The following GRID2 variants were observed in gnomAD, a reference collection of about 807,000 sequenced individuals.
The protein encoded by GRID2 is glutamate ionotropic receptor delta type subunit 2.
A neutral mutation model predicts 114.8 loss-of-function variants in GRID2; 33 were observed. The ratio of observed to expected loss-of-function variants is 0.29; its 90% CI spans 0.22 to 0.38. GRID2 has a LOEUF of 0.38. GRID2 is among the 10% of genes least tolerant of loss of function. The pLI, the probability that GRID2 is intolerant of heterozygous loss-of-function variation, is 1.00. For synonymous variants in GRID2, 505 were observed against 449.9 expected (o/e 1.12, Z -1.55); for missense variants, 1,184 against 1,257.7 (o/e 0.94, Z 0.89).
At chr4:92,427,863 G>A (rs528254623) in intron 1 of GRID2, among the ~76,000 whole-genome samples, 8 of 152,180 alleles carry the variant, frequency 5.3e-5, no homozygotes, top group East Asian at 1.9e-4. Flanking sequence ...GAAAATATTC[G>A]AAAGACTTAC....
intron 5 of GRID2, among the ~76,000 whole-genome samples, chr4:93,213,198 C>G (rs1743771430): frequency 6.6e-6 from 1 of 152,100 alleles, no homozygotes; most frequent in African/African-American, 2.4e-5. Flanking sequence ...TAGAAAGTTG[C>G]CATCCTGCTT....
intron 2 of GRID2, among the ~76,000 whole-genome samples, chr4:93,056,237 G>A (rs1014536914): frequency 5.3e-5 from 8 of 151,904 alleles, no homozygotes; most frequent in Non-Finnish European, 1.0e-4. Flanking sequence ...TTGTTTAATG[G>A]AGGTCAGATC....
At chr4:93,142,966 A>T (rs923831072) in intron 4 of GRID2, among the ~76,000 whole-genome samples, 1 of 152,178 alleles carries the variant, frequency 6.6e-6, no homozygotes, top group African/African-American at 2.4e-5. Context: ...CAGGTCACAC[A>T]AGAGACAGGG....
At chr4:93,339,580 A>G (rs955391153) in intron 8 of GRID2, among the ~76,000 whole-genome samples, 2 of 152,120 alleles carry the variant, frequency 1.3e-5, no homozygotes, top group African/African-American at 4.8e-5. Context: ...GTGACAATAA[A>G]TTTCTGTTTT....
chr4:92,825,675 C>T (rs1170563596), intron 2 of GRID2, among the ~76,000 whole-genome samples: 1 of 152,014 alleles, frequency 6.6e-6, no homozygotes, highest in Non-Finnish European at 1.5e-5. Context: ...CATATTATTC[C>T]CATATAAATG....
chr4:93,429,114 G>A (rs1424760900), intron 10 of GRID2, among the ~76,000 whole-genome samples: 1 of 152,172 alleles, frequency 6.6e-6, no homozygotes, highest in Non-Finnish European at 1.5e-5. Flanking sequence ...CACTGCTGCT[G>A]CAGCCACTGA....
chr4:93,796,909 T>C (rs1414814156), intron 1 of GRID2, among the ~76,000 whole-genome samples: 2 of 152,166 alleles, frequency 1.3e-5, no homozygotes, highest in South Asian at 2.1e-4. Context: ...TCATGCATCA[T>C]TTAACAATGG....
chr4:92,691,488 G>C (rs866006059), intron 2 of GRID2, among the ~76,000 whole-genome samples: 2 of 152,104 alleles, frequency 1.3e-5, no homozygotes, highest in Non-Finnish European at 2.9e-5. Flanking sequence ...TGAAGGGAGC[G>C]ATGGCATTGG....
At chr4:92,385,435 T>A (rs1042918812) in intron 1 of GRID2, among the ~76,000 whole-genome samples, 3 of 151,742 alleles carry the variant, frequency 2.0e-5, no homozygotes, top group Non-Finnish European at 2.9e-5. Context: ...ATTAAAAAAA[T>A]TATTAAAAAT....
intron 8 of GRID2, among the ~76,000 whole-genome samples, chr4:93,304,216 AT>A (rs11324322): frequency 1 from 148,092 of 148,206 alleles, 73,989 homozygotes; most frequent in Middle Eastern, 1. Flanking sequence ...ATCGAGAACT[AT>A]TTTTTTAAAT....
chr4:93,383,407 C>G (rs1764044552), intron 8 of GRID2, among the ~76,000 whole-genome samples: 1 of 152,132 alleles, frequency 6.6e-6, no homozygotes, highest in African/African-American at 2.4e-5. Context: ...GGATAGGTAG[C>G]TGCTACTGTT....
At chr4:93,673,556 T>TC (rs1162489122) in intron 14 of GRID2, among the ~76,000 whole-genome samples, 2 of 152,198 alleles carry the variant, frequency 1.3e-5, no homozygotes, top group African/African-American at 4.8e-5. Context: ...TCACTTTTTT[T>TC]CACAAGACAT....
intron 9 of GRID2, among the ~76,000 whole-genome samples, chr4:93,420,273 T>G (rs773838619): frequency 9.9e-5 from 15 of 152,188 alleles, no homozygotes; most frequent in Non-Finnish European, 2.1e-4. Flanking sequence ...TTATAGAACT[T>G]TATGATCTTA....
chr4:93,390,032 A>G (rs530008622), intron 8 of GRID2, among the ~76,000 whole-genome samples: 2 of 151,980 alleles, frequency 1.3e-5, no homozygotes, highest in African/African-American at 4.8e-5. Context: ...TAGGTGATCT[A>G]CCCGCCTTGG....
chr4:92,981,730 C>G (rs867493335), intron 2 of GRID2, among the ~76,000 whole-genome samples: 1 of 151,800 alleles, frequency 6.6e-6, no homozygotes. Context: ...GAGACATGGT[C>G]TTAATAATTC....
At chr4:92,340,689 T>C (rs1387557341) in intron 1 of GRID2, among the ~76,000 whole-genome samples, 2 of 152,234 alleles carry the variant, frequency 1.3e-5, no homozygotes, top group African/African-American at 4.8e-5. Flanking sequence ...GACGCTTGCA[T>C]AGCACTCTGC....
intron 2 of GRID2, among the ~76,000 whole-genome samples, chr4:92,638,162 G>C (rs925050450): frequency 1.3e-5 from 2 of 151,618 alleles, no homozygotes; most frequent in African/African-American, 4.8e-5. Flanking sequence ...AAAATTTATA[G>C]AATAGGGGGA....
At chr4:93,274,204 G>A (rs1334741441) in intron 8 of GRID2, among the ~76,000 whole-genome samples, 1 of 151,932 alleles carries the variant, frequency 6.6e-6, no homozygotes, top group East Asian at 1.9e-4. Flanking sequence ...ATTGATAGTA[G>A]CCAATAAAAT....
intron 2 of GRID2, among the ~76,000 whole-genome samples, chr4:92,785,273 C>A (rs922977609): frequency 2.6e-5 from 4 of 151,212 alleles, no homozygotes; most frequent in African/African-American, 9.7e-5. Context: ...CCATCAACAG[C>A]CACAATATTA....
Sources: gnomAD v4.1 joint callset for allele counts (sites outside exome capture counted in the v4.1 genomes callset) on GRCh38, gnomAD v4.1.1 for gene constraint, MANE v1.5 for transcripts, NCBI Gene and HGNC (gene_info 2026-07-23, HGNC 2026-07-21) for gene names.